Variants in ROBO2 observed in about 807,000 individuals in gnomAD.
ROBO2 encodes the protein roundabout guidance receptor 2.
ROBO2 carries 53 observed loss-of-function variants against 160.8 expected under a neutral mutation model. The ratio of observed to expected loss-of-function variants is 0.33; its 90% CI spans 0.26 to 0.41. The LOEUF is 0.41. Among genes scored for constraint, ROBO2 ranks in the 10% least tolerant of loss-of-function variants. The probability of loss-of-function intolerance (pLI) is 1.00; values close to 1 mark genes in which losing one functional copy is unlikely to be tolerated. For synonymous variants in ROBO2, 664 were observed against 611.7 expected, an observed-to-expected ratio of 1.09 and a Z score of -1.26; for missense variants, 1,577 against 1,722.4, an observed-to-expected ratio of 0.92 and a Z score of 1.49.
At chr3:76,528,679 T>A (rs1049539395) in intron 2 of ROBO2, among the ~76,000 whole-genome samples, 4 of 152,050 alleles carry the variant, frequency 2.6e-5, no homozygotes, top group African/African-American at 9.7e-5. Flanking sequence ...CAGGTTAGGC[T>A]GCATATGTAG....
intron 2 of ROBO2, among the ~76,000 whole-genome samples, chr3:76,834,794 T>A (rs1324734177): frequency 6.6e-6 from 1 of 152,178 alleles, no homozygotes; most frequent in Non-Finnish European, 1.5e-5. Context: ...CTATAGCACA[T>A]CTATATAGAT....
rs866479085 is a variant in ROBO2, at chr3:76,478,190, C to G, written c.109+540588C>G. Among the ~76,000 whole-genome samples, 629 of 136,472 alleles carry G rather than the reference C, an allele frequency of 4.6e-3. 10 individuals are homozygous for G. Among genetic ancestry groups the G allele is most frequent in the African/African-American group, 0.017 (603 of 36,350 alleles). The allele number at this position is 136,472 out of a possible 152,430, so 89.5% of individuals were successfully genotyped here. On this transcript the variant is annotated intron_variant, in intron 2 of 26. Coordinates refer to the ROBO2 transcript ENST00000487694. ...TATCCCTCCCCCCTCCCCCCCACCC[C>G]ACAACAGTCCCCAGAGTGTGATGTT...
intron 2 of ROBO2, among the ~76,000 whole-genome samples, chr3:77,273,059 T>C (rs2165595): frequency 0.36 from 54,578 of 151,938 alleles, 10,121 homozygotes; most frequent in African/African-American, 0.45. Context: ...ATCCCATTAC[T>C]CAGGTAGTGA....
intron 2 of ROBO2, among the ~76,000 whole-genome samples, chr3:77,397,587 G>T (rs2153507104): frequency 6.6e-6 from 1 of 152,136 alleles, no homozygotes; most frequent in South Asian, 2.1e-4. Flanking sequence ...GCCCTCCTGT[G>T]TATTTACTAG....
chr3:76,298,943 G>C (rs891790576), intron 2 of ROBO2, among the ~76,000 whole-genome samples: 4 of 152,150 alleles, frequency 2.6e-5, no homozygotes, highest in African/African-American at 9.7e-5. Context: ...GGGCAACCTA[G>C]TAGTTCAAAT....
At chr3:77,501,397 A>G (rs2087586154) in intron 5 of ROBO2, among the ~76,000 whole-genome samples, 1 of 152,206 alleles carries the variant, frequency 6.6e-6, no homozygotes, top group Admixed American at 6.5e-5. Context: ...AATAAGTTTT[A>G]ATCACCCCAG....
chr3:77,580,214 T>C, intron 16 of ROBO2, 96 bp downstream of exon 17: 1 of 1,098,762 alleles, frequency 9.1e-7, no homozygotes, highest in Non-Finnish European at 1.4e-6. Context: ...AATATACACT[T>C]ATGAATGATA....
At chr3:76,049,399 A>ATT (rs1204742605) in intron 2 of ROBO2, among the ~76,000 whole-genome samples, 1 of 50,364 alleles carries the variant, frequency 2.0e-5, no homozygotes, top group African/African-American at 1.4e-4. Context: ...ATATATATAT[A>ATT]TATATTTTTT....
chr3:76,236,264 C>A (rs1043147215), intron 2 of ROBO2, among the ~76,000 whole-genome samples: 1 of 151,978 alleles, frequency 6.6e-6, no homozygotes, highest in South Asian at 2.1e-4. Context: ...TATTACAAAG[C>A]ATGTTTTTAA....
intron 2 of ROBO2, among the ~76,000 whole-genome samples, chr3:76,706,673 T>A (rs974303565): frequency 6.6e-6 from 1 of 152,164 alleles, no homozygotes; most frequent in African/African-American, 2.4e-5. Context: ...ATGATGGCAA[T>A]TTTATTCTTA....
chr3:76,839,551 G>T (rs754735667), intron 2 of ROBO2, among the ~76,000 whole-genome samples: 1 of 152,160 alleles, frequency 6.6e-6, no homozygotes, highest in South Asian at 2.1e-4. Flanking sequence ...TTAGTGTATT[G>T]TCGAATTCAT....
At chr3:76,624,449 C>T (rs886501024) in intron 2 of ROBO2, among the ~76,000 whole-genome samples, 1 of 152,002 alleles carries the variant, frequency 6.6e-6, no homozygotes, top group South Asian at 2.1e-4. Context: ...TGAAATTTCC[C>T]CCCAAGAAAT....
chr3:77,445,616 CAAAGT>C (rs1373564868), intron 2 of ROBO2, among the ~76,000 whole-genome samples: 1 of 151,828 alleles, frequency 6.6e-6, no homozygotes, highest in Non-Finnish European at 1.5e-5. Context: ...AGGTTTTCCA[CAAAGT>C]AAAGAAAATA....
chr3:76,727,877 A>G (rs1013802688), intron 2 of ROBO2, among the ~76,000 whole-genome samples: 27 of 152,186 alleles, frequency 1.8e-4, no homozygotes, highest in African/African-American at 6.3e-4. Flanking sequence ...TGTATGGTAT[A>G]TTTCAAAATA....
intron 2 of ROBO2, among the ~76,000 whole-genome samples, chr3:76,644,759 C>T (rs1408681386): frequency 2.0e-5 from 3 of 152,204 alleles, no homozygotes. Context: ...ATCCCATTAA[C>T]CACATCCACA....
At chr3:76,025,958 A>G (rs2066731118) in intron 2 of ROBO2, among the ~76,000 whole-genome samples, 1 of 151,828 alleles carries the variant, frequency 6.6e-6, no homozygotes, top group Non-Finnish European at 1.5e-5. Flanking sequence ...TCTCCCCAAT[A>G]TTCTGGAAAC....
chr3:76,675,867 A>G (rs183907080), intron 2 of ROBO2, among the ~76,000 whole-genome samples: 3 of 152,238 alleles, frequency 2.0e-5, no homozygotes, highest in East Asian at 1.9e-4. Context: ...ATTGAAGGCA[A>G]TTTTCCAAGT....
chr3:76,194,954 A>G (rs766392363), intron 2 of ROBO2, among the ~76,000 whole-genome samples: 1 of 152,172 alleles, frequency 6.6e-6, no homozygotes, highest in Non-Finnish European at 1.5e-5. Context: ...TTTTGTCAAC[A>G]TGCTAGCTGA....
chr3:77,546,207 G>A (rs2092691593), intron 6 of ROBO2, 131 bp from the exon 8 acceptor site: 1 of 1,041,094 alleles, frequency 9.6e-7, no homozygotes, highest in Non-Finnish European at 1.4e-6. Flanking sequence ...TGAGAAATGT[G>A]TAAAAGTAAA....
Sources: gnomAD v4.1 joint callset for allele counts (sites outside exome capture counted in the v4.1 genomes callset) on GRCh38, gnomAD v4.1.1 for gene constraint, MANE v1.5 for transcripts, NCBI Gene and HGNC (gene_info 2026-07-23, HGNC 2026-07-21) for gene names.